Variants in RECK observed in about 807,000 individuals in gnomAD.
RECK encodes the protein reversion inducing cysteine rich protein with kazal motifs.
In RECK, 69 loss-of-function variants were observed where a neutral mutation model predicts 115.1. That is an observed-to-expected ratio of 0.60 (90% CI 0.49 to 0.73). RECK has a LOEUF of 0.73. Ranked by LOEUF, RECK falls within the 30% of genes least tolerant of loss-of-function variation. RECK has a pLI of 0.00. For synonymous variants in RECK, 414 were observed against 419.7 expected, an observed-to-expected ratio of 0.99 and a Z score of 0.17; for missense variants, 1,047 against 1,203.7, an observed-to-expected ratio of 0.87 and a Z score of 1.93.
At chr9:36,070,000 G>T (rs1822167990) in intron 6 of RECK, among the ~76,000 whole-genome samples, 1 of 152,126 alleles carries the variant, frequency 6.6e-6, no homozygotes, top group African/African-American at 2.4e-5. Context: ...CAGCAAAAAG[G>T]TATTTCAAGA....
intron 18 of RECK, 65 bp downstream of exon 18, chr9:36,119,032 AGT>A: frequency 2.0e-6 from 3 of 1,467,076 alleles, no homozygotes; most frequent in South Asian, 2.3e-5. Context: ...ACCTCCAGAG[AGT>A]GAGTCATTGA....
chr9:36,057,748 G>C (rs372330905), intron 2 of RECK, among the ~76,000 whole-genome samples: 1 of 152,132 alleles, frequency 6.6e-6, no homozygotes, highest in African/African-American at 2.4e-5. Flanking sequence ...TTCAGCCTGG[G>C]AAGTGGAGGT....
At chr9:36,037,229 C>T (rs1820701695) in intron 1 of RECK, 131 bp downstream of exon 1, 8 of 516,832 alleles carry the variant, frequency 1.5e-5, no homozygotes, top group Non-Finnish European at 2.1e-5. Context: ...ACCCCGGGAC[C>T]CCAGGTCTCA....
At chr9:36,042,423 A>AGTGTGT (rs35193636) in intron 1 of RECK, among the ~76,000 whole-genome samples, 2,291 of 144,432 alleles carry the variant, frequency 0.016, 24 homozygotes, top group Middle Eastern at 0.025. Context: ...AGTATTCCAT[A>AGTGTGT]GTGTGTGTGT....
intron 1 of RECK, among the ~76,000 whole-genome samples, chr9:36,047,805 G>A (rs1588267289): frequency 8.0e-6 from 1 of 125,684 alleles, no homozygotes; most frequent in East Asian, 2.3e-4. Flanking sequence ...TAGAAAGCCA[G>A]TCTCAAAAAA....
At chr9:36,113,420 T>G (rs1462583428) in intron 16 of RECK, among the ~76,000 whole-genome samples, 1 of 152,200 alleles carries the variant, frequency 6.6e-6, no homozygotes, top group Non-Finnish European at 1.5e-5. Context: ...CCAAGAAAGT[T>G]TCTATGGAAA....
In RECK at chr9:36,053,546, G is replaced by A. The variant is rs569606499; in HGVS notation, c.159+1223G>A. On this transcript the variant is annotated intron_variant, in intron 2 of 20. Coordinates refer to ENST00000377966, the MANE Select transcript of RECK (RefSeq NM_021111.3). The stretch of plus-strand genomic sequence containing the variant: ...ATGTCAAATCACTATTGCAAATTAA[G>A]TTTGCTGCACATTTACTGCCAGAAG... 9.7e-4 allele frequency among the ~76,000 whole-genome samples: 148 copies of A among 152,308 alleles called. 2 individuals carry two copies. In the South Asian group the frequency reaches 0.029, roughly 30 times the overall value.
At chr9:36,038,151 A>G (rs894976675) in intron 1 of RECK, among the ~76,000 whole-genome samples, 2 of 152,038 alleles carry the variant, frequency 1.3e-5, no homozygotes, top group African/African-American at 4.8e-5. Flanking sequence ...CGTTTCTACT[A>G]AAAATACAAA....
chr9:36,099,224 T>TCAACAA (rs60403523), intron 10 of RECK, among the ~76,000 whole-genome samples: 3,062 of 146,962 alleles, frequency 0.021, 43 homozygotes, highest in Admixed American at 0.028. Context: ...AGAACCTGTC[T>TCAACAA]CAACAACAAC....
intron 8 of RECK, among the ~76,000 whole-genome samples, chr9:36,084,769 G>A (rs966623851): frequency 3.9e-5 from 6 of 152,140 alleles, no homozygotes; most frequent in East Asian, 1.9e-4. Context: ...AGGCCCGTCC[G>A]AGTTGGCCAG....
At chr9:36,045,984 C>G (rs571348906) in intron 1 of RECK, among the ~76,000 whole-genome samples, 2 of 152,246 alleles carry the variant, frequency 1.3e-5, no homozygotes, top group East Asian at 3.9e-4. Flanking sequence ...TTTATAATCA[C>G]AGACTATTGG....
chr9:36,058,977 C>A, intron 3 of RECK, 76 bp downstream of exon 3: 1 of 992,074 alleles, frequency 1.0e-6, no homozygotes, highest in Non-Finnish European at 1.4e-6. Flanking sequence ...TCAGAGTTAG[C>A]AAATTTTTAA....
chr9:36,045,193 C>T (rs1025373351), intron 1 of RECK, among the ~76,000 whole-genome samples: 6 of 152,082 alleles, frequency 3.9e-5, no homozygotes, highest in African/African-American at 1.2e-4. Context: ...CACTATTTGG[C>T]GCTTCCTTGG....
rs57766327 is a variant in RECK at position 36,097,567 on chromosome 9, A to G, written c.1086-2764A>G. Among the ~76,000 whole-genome samples the G allele has an allele frequency of 9.8e-3, 1,491 of 152,352 alleles. 18 individuals carry two copies. Among genetic ancestry groups the G allele is most frequent in the African/African-American group, 0.034 (1,419 of 41,566 alleles). ...GATGTGGAGAAAAGGGAAGTCTTGT[A>G]CACTGTTGATGGAAATGTGAGTTAG... On this transcript the variant is annotated intron_variant, in intron 10 of 20. Coordinates refer to ENST00000377966, the MANE Select transcript of RECK (RefSeq NM_021111.3).
intron 15 of RECK, among the ~76,000 whole-genome samples, chr9:36,110,396 A>G (rs932537100): frequency 6.6e-6 from 1 of 152,152 alleles, no homozygotes; most frequent in Non-Finnish European, 1.5e-5. Flanking sequence ...ATTTACCCCT[A>G]CTGCTATGAT....
intron 2 of RECK, among the ~76,000 whole-genome samples, chr9:36,055,305 A>G (rs750873786): frequency 6.6e-6 from 1 of 152,210 alleles, no homozygotes; most frequent in South Asian, 2.1e-4. Context: ...TGTATTTCTA[A>G]TAAGTATGTG....
chr9:36,050,135 C>T (rs562298758), intron 1 of RECK, among the ~76,000 whole-genome samples: 3 of 152,258 alleles, frequency 2.0e-5, no homozygotes, highest in Admixed American at 2.0e-4. Context: ...CTCCCAAATT[C>T]CCATCTCCAG....
At chr9:36,083,972 A>G (rs1037910029) in intron 8 of RECK, among the ~76,000 whole-genome samples, 1 of 152,224 alleles carries the variant, frequency 6.6e-6, no homozygotes, top group Non-Finnish European at 1.5e-5. Flanking sequence ...CAATGCTGGT[A>G]TAATAGAGAA....
At chr9:36,084,666 G>T (rs1187380100) in intron 8 of RECK, among the ~76,000 whole-genome samples, 1 of 151,758 alleles carries the variant, frequency 6.6e-6, no homozygotes, top group African/African-American at 2.4e-5. Context: ...CAGCACTCTA[G>T]CCTGGGCAAC....
Sources: allele counts gnomAD v4.1 joint callset (sites outside exome capture counted in the v4.1 genomes callset), GRCh38; gene constraint gnomAD v4.1.1; transcripts MANE v1.5; gene names NCBI Gene and HGNC (gene_info 2026-07-23, HGNC 2026-07-21).